Variants in DPP10 observed in about 807,000 individuals in gnomAD.
DPP10 encodes dipeptidyl peptidase like 10, also known as inactive dipeptidyl peptidase 10.
DPP10 carries 33 observed loss-of-function variants against 120.9 expected under a neutral mutation model. That is an observed-to-expected ratio of 0.27 (90% CI 0.21 to 0.37). The LOEUF is 0.37. Among genes scored for constraint, DPP10 ranks in the 10% least tolerant of loss-of-function variants. The probability of loss-of-function intolerance (pLI) is 1.00; values close to 1 mark genes in which losing one functional copy is unlikely to be tolerated. For synonymous variants in DPP10, 337 were observed against 326.1 expected, an observed-to-expected ratio of 1.03 and a Z score of -0.36; for missense variants, 816 against 942.8, an observed-to-expected ratio of 0.87 and a Z score of 1.76.
At chr2:114,834,534 C>T (rs1482691264) in intron 1 of DPP10, among the ~76,000 whole-genome samples, 1 of 150,866 alleles carries the variant, frequency 6.6e-6, no homozygotes, top group Non-Finnish European at 1.5e-5. Context: ...ATCTACGCAC[C>T]TATGTATATA....
At chr2:115,762,446 C>G in intron 11 of DPP10, 126 bp from the exon 12 acceptor site, 1 of 847,300 alleles carries the variant, frequency 1.2e-6, no homozygotes, top group South Asian at 1.4e-5. Context: ...ACAATGAAAT[C>G]TCTCATGGTG....
intron 2 of DPP10, 44 bp from the exon 3 acceptor site, chr2:115,343,773 C>G: frequency 7.2e-7 from 1 of 1,382,248 alleles, no homozygotes; most frequent in Non-Finnish European, 1.0e-6. Context: ...TTTTAAAAAA[C>G]AAGCATAAGA....
At position 115,157,244 on chromosome 2, in the gene DPP10, C is replaced by CAAA. The variant is rs569338436; in HGVS notation, c.61-151980_61-151978dup. On this transcript the variant is annotated intron_variant, in intron 1 of 25. Transcript: ENST00000410059. ...GGAAGATGTGAGGTTTTAAATATAG[C>CAAA]AAAAAAAAAAAAAAAAAGAGAGATT... Among the ~76,000 whole-genome samples, 590 of 101,468 alleles carry CAAA rather than the reference C, an allele frequency of 5.8e-3. 8 individuals carry two copies. The highest frequency in any genetic ancestry group is 0.017 in the African/African-American group (479 of 28,044). 66.6% of individuals were successfully genotyped at this position (101,468 alleles called of 152,430 possible).
intron 3 of DPP10, among the ~76,000 whole-genome samples, chr2:115,372,564 C>G (rs1306592563): frequency 1.3e-5 from 2 of 152,204 alleles, no homozygotes; most frequent in Non-Finnish European, 2.9e-5. Context: ...ACACTCTTAA[C>G]TGGCTCACAT....
chr2:114,665,618 A>G (rs2105591278), intron 1 of DPP10, among the ~76,000 whole-genome samples: 1 of 152,296 alleles, frequency 6.6e-6, no homozygotes, highest in East Asian at 1.9e-4. Context: ...CATACTTCTC[A>G]TTTAGGGGAA....
chr2:115,286,268 C>A (rs1289108308), intron 1 of DPP10, among the ~76,000 whole-genome samples: 1 of 150,920 alleles, frequency 6.6e-6, no homozygotes, highest in African/African-American at 2.4e-5. Flanking sequence ...AATATTTTGG[C>A]TTCAAGATAA....
At position 115,286,526 on chromosome 2, in the gene DPP10, A is replaced by ATAACATATATATAT. The variant is rs10675008; in HGVS notation, c.61-22713_61-22712insTAACATATATATAT. ...TATTACATATATAATATATATATAT[A>ATAACATATATATAT]ATATATATATATATAAAATATATAC... On this transcript the variant is annotated intron_variant, in intron 1 of 25. Coordinates refer to ENST00000410059, the MANE Select transcript of DPP10 (RefSeq NM_020868.6). 6.6e-5 allele frequency among the ~76,000 whole-genome samples: 4 copies of ATAACATATATATAT among 60,946 alleles called. 1 individual carries two copies. The highest frequency in any genetic ancestry group is 1.1e-4 in the African/African-American group (2 of 18,630). The allele number at this position is 60,946 out of a possible 152,430, so 40.0% of individuals were successfully genotyped here.
At chr2:115,070,862 A>G (rs1707307257) in intron 1 of DPP10, among the ~76,000 whole-genome samples, 1 of 152,160 alleles carries the variant, frequency 6.6e-6, no homozygotes, top group Admixed American at 6.5e-5. Context: ...AATTTTCTCA[A>G]ATTTATTTAT....
In DPP10 at chr2:114,895,793, C is replaced by T. The variant is rs184906689; in HGVS notation, c.61-413446C>T. On this transcript the variant is annotated intron_variant, in intron 1 of 25. Transcript: ENST00000410059. Reference sequence around the variant, plus strand: ...ACTTGTGTCCAAATTGCCTTTCTCACGTTTACTAACTATGTAACCCCAGGG... The same window carrying T: ...ACTTGTGTCCAAATTGCCTTTCTCATGTTTACTAACTATGTAACCCCAGGG... 6.6e-5 allele frequency among the ~76,000 whole-genome samples: 10 copies of T among 152,268 alleles called. 1 individual carries two copies. Among genetic ancestry groups the T allele is most frequent in the Admixed American group, 6.5e-4 (10 of 15,290 alleles).
chr2:115,630,270 T>C (rs1004680379), intron 5 of DPP10, among the ~76,000 whole-genome samples: 1 of 152,164 alleles, frequency 6.6e-6, no homozygotes, highest in Non-Finnish European at 1.5e-5. Flanking sequence ...CCTGAGACTT[T>C]GGTGAAGTTG....
intron 5 of DPP10, among the ~76,000 whole-genome samples, chr2:115,541,955 A>G (rs2079196719): frequency 6.6e-6 from 1 of 151,972 alleles, no homozygotes; most frequent in South Asian, 2.1e-4. Context: ...GCAAATGAGT[A>G]TAGAGACCTT....
intron 1 of DPP10, among the ~76,000 whole-genome samples, chr2:115,242,445 A>G (rs1039201513): frequency 2.0e-5 from 3 of 152,140 alleles, no homozygotes; most frequent in Admixed American, 1.3e-4. Context: ...TATTTCTGCA[A>G]TTGCAAATTG....
Position 114,712,361 on chromosome 2 carries a change from A to G in DPP10, c.60+269523A>G, listed in dbSNP as rs114695466. ...ATAAAGTAGTCTTATATATTCATTA[A>G]CTCTTTTCCTTAATTTTGGAAATCC... On this transcript the variant is annotated intron_variant, in intron 1 of 25. Coordinates refer to ENST00000410059, the MANE Select transcript of DPP10 (RefSeq NM_020868.6). Among the ~76,000 whole-genome samples the G allele has an allele frequency of 7.6e-3, 1,158 of 152,210 alleles. 13 individuals carry two copies. The highest frequency in any genetic ancestry group is 0.026 in the African/African-American group (1,089 of 41,532).
chr2:115,310,103 C>T (rs781723821), intron 2 of DPP10, among the ~76,000 whole-genome samples: 4 of 152,050 alleles, frequency 2.6e-5, no homozygotes, highest in Non-Finnish European at 4.4e-5. Flanking sequence ...GTTGCTGCAA[C>T]CCACCCACCC....
At chr2:115,675,782 G>T (rs185350959) in intron 5 of DPP10, among the ~76,000 whole-genome samples, 1 of 152,150 alleles carries the variant, frequency 6.6e-6, no homozygotes, top group Non-Finnish European at 1.5e-5. Flanking sequence ...ACCTTCACTC[G>T]TTGGGACCCA....
intron 1 of DPP10, among the ~76,000 whole-genome samples, chr2:115,224,709 A>G (rs1346995562): frequency 1.3e-5 from 2 of 152,190 alleles, no homozygotes; most frequent in Non-Finnish European, 2.9e-5. Flanking sequence ...GTGAGATAAT[A>G]TAATTGTAAT....
At chr2:114,818,167 GGTCA>G (rs1685794096) in intron 1 of DPP10, among the ~76,000 whole-genome samples, 1 of 152,030 alleles carries the variant, frequency 6.6e-6, no homozygotes, top group Non-Finnish European at 1.5e-5. Context: ...TGGTAATGAA[GGTCA>G]GTCACTTATA....
chr2:115,523,627 C>A (rs959908241), intron 4 of DPP10, among the ~76,000 whole-genome samples: 2 of 152,006 alleles, frequency 1.3e-5, no homozygotes, highest in Non-Finnish European at 2.9e-5. Context: ...TTGAACATTT[C>A]CTTAAAAACA....
chr2:115,509,262 G>T (rs1341421658), intron 4 of DPP10, among the ~76,000 whole-genome samples: 1 of 152,170 alleles, frequency 6.6e-6, no homozygotes, highest in Non-Finnish European at 1.5e-5. Flanking sequence ...GGCAGTGCCA[G>T]CAGAGAAGAG....
Sources: gnomAD v4.1 joint callset for allele counts (sites outside exome capture counted in the v4.1 genomes callset) on GRCh38, gnomAD v4.1.1 for gene constraint, MANE v1.5 for transcripts, NCBI Gene and HGNC (gene_info 2026-07-23, HGNC 2026-07-21) for gene names.